NDEL1: variants seen among roughly 807,000 people sequenced by gnomAD.
The protein encoded by NDEL1 is nuclear distribution protein nudE-like 1.
A neutral mutation model predicts 45.7 loss-of-function variants in NDEL1; 9 were observed. That is an observed-to-expected ratio of 0.20 (90% CI 0.12 to 0.34). NDEL1 has a LOEUF of 0.34. Among genes scored for constraint, NDEL1 ranks in the 10% least tolerant of loss-of-function variants. The probability of loss-of-function intolerance (pLI) is 1.00; values close to 1 mark genes in which losing one functional copy is unlikely to be tolerated. For synonymous variants in NDEL1, 133 were observed against 158.6 expected, an observed-to-expected ratio of 0.84 and a Z score of 1.21; for missense variants, 306 against 406.2, an observed-to-expected ratio of 0.75 and a Z score of 2.12.
At chr17:8,441,688 C>T (rs182217822) in intron 1 of NDEL1, among the ~76,000 whole-genome samples, 6 of 152,210 alleles carry the variant, frequency 3.9e-5, no homozygotes, top group African/African-American at 1.4e-4. Context: ...CACTTGTGCT[C>T]TATGCTATCT....
At chr17:8,429,906 A>G (rs558096803) in intron 1 of NDEL1, among the ~76,000 whole-genome samples, 1 of 152,222 alleles carries the variant, frequency 6.6e-6, no homozygotes, top group East Asian at 1.9e-4. Flanking sequence ...AAGTTTGGGG[A>G]GAGAGGGACA....
chr17:8,471,099 GA>G, downstream of NDEL1, among the ~76,000 whole-genome samples: 1 of 152,338 alleles, frequency 6.6e-6, no homozygotes, highest in African/African-American at 2.4e-5. Flanking sequence ...AGATTCCAGT[GA>G]GGCTCCACAA....
upstream of NDEL1, among the ~76,000 whole-genome samples, chr17:8,434,134 T>C (rs1398894267): frequency 6.6e-6 from 1 of 152,230 alleles, no homozygotes; most frequent in East Asian, 1.9e-4. Context: ...AAGGATTACA[T>C]TGCGTGCCGC....
chr17:8,466,872 T>C (rs1474299322), intron 8 of NDEL1, 58 bp from the exon 9 acceptor site: 4 of 1,505,062 alleles, frequency 2.7e-6, no homozygotes, highest in African/African-American at 1.4e-5. Flanking sequence ...TGTGAGTGAT[T>C]TTAAATGAGT....
chr17:8,443,820 A>C (rs546233943), intron 1 of NDEL1: 1 of 152,638 alleles, frequency 6.6e-6, no homozygotes, highest in African/African-American at 2.4e-5. Flanking sequence ...CCTGGCATAA[A>C]ATGTTCCAAG....
chr17:8,439,892 G>A (rs1353761012), intron 1 of NDEL1, among the ~76,000 whole-genome samples: 1 of 152,116 alleles, frequency 6.6e-6, no homozygotes, highest in Non-Finnish European at 1.5e-5. Context: ...GAGGAAATGG[G>A]GCACTGAGTC....
At chr17:8,463,430 CTGGTT>C in intron 8 of NDEL1, 1 of 1,417,062 alleles carries the variant, frequency 7.1e-7, no homozygotes, top group East Asian at 2.3e-5. Context: ...CATTAACAAT[CTGGTT>C]TTACTAACTG....
In NDEL1 at chr17:8,450,832, G is replaced by A. The variant is rs771096368; in HGVS notation, c.579G>A (p.Lys193=). 25 of 1,612,252 alleles carry A rather than the reference G, an allele frequency of 1.6e-5. No individual in the cohort carries two copies. The highest frequency in any genetic ancestry group is 2.1e-5 in the Non-Finnish European group (25 of 1,179,424). ...AAAGACAACAGGAAGTAACTAGAAA[G>A]TCGGCTCCTAGCTCTCCAACTCTAG... is the stretch of plus-strand genomic sequence containing the variant. The part of the protein sequence containing the change: ...VRERQQEVTR[K]SAPSSPTLDC... Residue 193 remains lysine (K), a synonymous_variant, in exon 6 of 9, where the codon AAG becomes AAA. Transcript: ENST00000334527.
intron 7 of NDEL1, among the ~76,000 whole-genome samples, chr17:8,456,492 CTTTTTTTTTT>C (rs57327945): frequency 1.2e-5 from 1 of 82,812 alleles, no homozygotes; most frequent in Non-Finnish European, 2.4e-5. Context: ...TAGGTTATAT[CTTTTTTTTTT>C]TTTTTTTTTT....
intron 3 of NDEL1, among the ~76,000 whole-genome samples, chr17:8,473,190 C>A (rs1456669662): frequency 6.8e-6 from 1 of 146,736 alleles, no homozygotes; most frequent in Non-Finnish European, 1.5e-5. Context: ...GGGAAGAATT[C>A]TTTTTTTTTT....
chr17:8,429,824 G>A (rs761094614), intron 1 of NDEL1, among the ~76,000 whole-genome samples: 18 of 152,142 alleles, frequency 1.2e-4, no homozygotes, highest in Non-Finnish European at 2.6e-4. Flanking sequence ...CATACAGTGA[G>A]ATTTTAGAAA....
downstream of NDEL1, among the ~76,000 whole-genome samples, chr17:8,473,031 G>T (rs77910259): frequency 7.2e-5 from 11 of 152,346 alleles, no homozygotes; most frequent in Non-Finnish European, 1.3e-4. Flanking sequence ...TAGGTCTGGA[G>T]TGTCGGGTCA....
chr17:8,416,156 A>T (rs991572796), intron 1 of NDEL1, among the ~76,000 whole-genome samples: 4 of 152,146 alleles, frequency 2.6e-5, no homozygotes, highest in Non-Finnish European at 5.9e-5. Flanking sequence ...TCCCAAACTG[A>T]AACTCTGTAC....
In NDEL1 at chr17:8,446,913, G is replaced by A. The variant is rs780310409; in HGVS notation, c.389+11G>A. The A allele has an allele frequency of 1.9e-6, 3 of 1,612,442 alleles. No homozygotes were observed. The highest frequency in any genetic ancestry group is 2.5e-6 in the Non-Finnish European group (3 of 1,179,074). ...GGAGCGAGCCAAAAGGTAAACGAAT[G>A]ACTGCATTTTGTTAGAAAAAAACCA... On this transcript the variant is annotated intron_variant, in intron 4 of 8. Coordinates refer to ENST00000334527, the MANE Select transcript of NDEL1 (RefSeq NM_030808.5).
At chr17:8,470,866 G>A (rs969033021), downstream of NDEL1, among the ~76,000 whole-genome samples, 4 of 152,190 alleles carry the variant, frequency 2.6e-5, no homozygotes, top group African/African-American at 4.8e-5. This position sits in a 1 kb window ranked among gnomAD's most constrained non-coding sequence, Gnocchi z 4.2. Context: ...TCCTGTGCCC[G>A]CTGCGCATGC....
rs944276277 is a variant in NDEL1, at chr17:8,465,508, C to A, written c.945-1422C>A. ...GTACTCTGAGTTTAGTTTCTTTAGA[C>A]ATGAACTTTGTTTCTTCCAAGTAGG... On this transcript the variant is annotated intron_variant, in intron 8 of 8. Transcript: ENST00000334527. This position sits in a 1 kb window ranked among gnomAD's most constrained non-coding sequence, Gnocchi z 4.9. The A allele has an allele frequency of 6.6e-6, 1 of 152,208 alleles. No individual in the cohort carries two copies. Among genetic ancestry groups the A allele is most frequent in the Non-Finnish European group, 1.5e-5 (1 of 68,040 alleles). 9.4% of individuals were successfully genotyped at this position (152,208 alleles called of 1,614,324 possible). A position where few individuals can be genotyped will look rare whatever the true frequency, so the allele number is the denominator to read the frequency against.
At chr17:8,418,214 A>G (rs1278009966) in intron 1 of NDEL1, among the ~76,000 whole-genome samples, 1 of 152,048 alleles carries the variant, frequency 6.6e-6, no homozygotes, top group African/African-American at 2.4e-5. Context: ...CTGTGGGTTT[A>G]TACCTTTTAA....
At chr17:8,456,270 C>G (rs1379000110) in intron 7 of NDEL1, among the ~76,000 whole-genome samples, 1 of 152,128 alleles carries the variant, frequency 6.6e-6, no homozygotes, top group Admixed American at 6.6e-5. Flanking sequence ...CAGGTCGTTC[C>G]TACAGTACAT....
chr17:8,414,378 C>T (rs1362187736), intron 1 of NDEL1, among the ~76,000 whole-genome samples: 3 of 152,120 alleles, frequency 2.0e-5, no homozygotes, highest in Non-Finnish European at 2.9e-5. Flanking sequence ...TAAGAAATGT[C>T]GTACCATGGC....
Sources: allele counts gnomAD v4.1 joint callset (sites outside exome capture counted in the v4.1 genomes callset), GRCh38; gene constraint gnomAD v4.1.1; non-coding constraint Gnocchi (gnomAD v3.1); transcripts MANE v1.5; gene names NCBI Gene and HGNC (gene_info 2026-07-23, HGNC 2026-07-21).